The following TBC1D9 variants were observed in gnomAD, a reference collection of about 807,000 sequenced individuals.
TBC1D9 encodes TBC1 domain family member 9, also known as TBC1 domain family member 9A.
Under a neutral mutation model 132.0 loss-of-function variants are expected in TBC1D9, and 63 were observed. The ratio of observed to expected loss-of-function variants is 0.48; its 90% CI spans 0.39 to 0.59. The LOEUF (loss-of-function observed/expected upper bound fraction) is 0.59. Ranked by LOEUF, TBC1D9 falls within the 20% of genes least tolerant of loss-of-function variation. The probability of loss-of-function intolerance (pLI) is 0.00; values close to 1 mark genes in which losing one functional copy is unlikely to be tolerated. For missense variants in TBC1D9, 1,261 were observed against 1,592.7 expected (o/e 0.79, Z 3.54); for synonymous variants, 610 against 609.9 (o/e 1.00, Z 0.00).
At chr4:140,638,647 T>C (rs536294636) in intron 15 of TBC1D9, among the ~76,000 whole-genome samples, 2 of 152,006 alleles carry the variant, frequency 1.3e-5, no homozygotes, top group East Asian at 3.9e-4. Context: ...AAATAAAGAT[T>C]GGTAGGGGCT....
At chr4:140,636,071 G>A (rs556116832) in intron 15 of TBC1D9, among the ~76,000 whole-genome samples, 2 of 152,298 alleles carry the variant, frequency 1.3e-5, no homozygotes, top group East Asian at 3.9e-4. Context: ...GAACATGGGT[G>A]CAGGCACTTT....
intron 16 of TBC1D9, among the ~76,000 whole-genome samples, chr4:140,631,167 A>G (rs1301855692): frequency 6.6e-6 from 1 of 152,224 alleles, no homozygotes; most frequent in Non-Finnish European, 1.5e-5. Context: ...TCTAAGTTTC[A>G]GCCGCACTGT....
At chr4:140,711,248 T>C (rs1037174580) in intron 1 of TBC1D9, among the ~76,000 whole-genome samples, 2 of 152,202 alleles carry the variant, frequency 1.3e-5, no homozygotes, top group African/African-American at 4.8e-5. Context: ...GGAAGTTATA[T>C]TGATTCTAAT....
At chr4:140,722,618 G>A (rs974727107) in intron 1 of TBC1D9, among the ~76,000 whole-genome samples, 11 of 152,098 alleles carry the variant, frequency 7.2e-5, no homozygotes, top group Admixed American at 2.0e-4. Flanking sequence ...TAATGATAGA[G>A]AACACTAAAA....
intron 13 of TBC1D9, among the ~76,000 whole-genome samples, chr4:140,649,664 G>T (rs796520681): frequency 6.6e-6 from 1 of 152,172 alleles, no homozygotes; most frequent in Non-Finnish European, 1.5e-5. Context: ...TATGGGGGTG[G>T]CGTCTGTCTG....
chr4:140,690,859 A>ATAT (rs1278013755), intron 2 of TBC1D9, among the ~76,000 whole-genome samples: 11 of 152,176 alleles, frequency 7.2e-5, no homozygotes, highest in Non-Finnish European at 7.3e-5. Flanking sequence ...TTATTATATG[A>ATAT]ACCCATTATC....
chr4:140,660,167 C>A (rs1737335326), intron 10 of TBC1D9, among the ~76,000 whole-genome samples: 1 of 152,212 alleles, frequency 6.6e-6, no homozygotes, highest in Admixed American at 6.5e-5. Flanking sequence ...CCTGAGAGAA[C>A]AACGAAACCT....
At position 140,624,323 on chromosome 4, in the gene TBC1D9, G is replaced by C; in HGVS notation, c.2965C>G (p.Pro989Ala). The C allele has an allele frequency of 6.2e-7, 1 of 1,613,710 alleles. No individual in the cohort carries two copies. Among genetic ancestry groups the C allele is most frequent in the Non-Finnish European group, 8.5e-7 (1 of 1,179,792 alleles). Reference sequence around the variant, plus strand: ...AAGAGAATATCCTTACCTTTGTCTGGCTTTAGGCTCACCGTAACAAAGCCA... The same window carrying C: ...AAGAGAATATCCTTACCTTTGTCTGCCTTTAGGCTCACCGTAACAAAGCCA... ...DDGFVTVSLK[P>A]DKGKRANSQE... Residue 989 changes from proline (P) to alanine (A), a missense_variant, in exon 19 of 21, where the codon CCA (proline) becomes GCA (alanine). Transcript: ENST00000442267.
chr4:140,711,408 A>AT (rs1443063383), intron 1 of TBC1D9, among the ~76,000 whole-genome samples: 1 of 152,192 alleles, frequency 6.6e-6, no homozygotes, highest in Non-Finnish European at 1.5e-5. Flanking sequence ...GAGATTAGCT[A>AT]TATCAATCCC....
intron 1 of TBC1D9, among the ~76,000 whole-genome samples, chr4:140,726,284 G>A (rs1050005104): frequency 2.0e-5 from 3 of 151,504 alleles, no homozygotes; most frequent in African/African-American, 4.9e-5. Context: ...ATGAGACTCC[G>A]CCTCAGAAAA....
rs1736644703 is a variant in TBC1D9 at position 140,622,916 on chromosome 4, C to T, written c.3080G>A (p.Gly1027Glu). 2.0e-6 allele frequency: 3 copies of T among 1,516,534 alleles called. No individual in the cohort carries two copies. Among genetic ancestry groups the T allele is most frequent in the South Asian group, 2.5e-5 (2 of 79,158 alleles). 93.9% of individuals were successfully genotyped at this position (1,516,534 alleles called of 1,614,324 possible). A position where few individuals can be genotyped will look rare whatever the true frequency, so the allele number is the denominator to read the frequency against. ...NAKDLPKLNQ[G>E]QFIELCKTMY... ...TGTCTTACACAGTTCAATGAACTGC[C>T]CCTGAAAAGCGATTTGGAAAAACAC... Residue 1027 changes from glycine to glutamate, a missense_variant and splice_region_variant, in exon 21 of 21, where the codon GGG (glycine) becomes GAG (glutamate). Transcript: ENST00000442267.
In TBC1D9 at chr4:140,639,069, T is replaced by G; in HGVS notation, c.2505+17A>C. On this transcript the variant is annotated intron_variant, in intron 15 of 20. Coordinates refer to ENST00000442267, the MANE Select transcript of TBC1D9 (RefSeq NM_015130.3). Reference sequence around the variant, plus strand: ...CTTTACTCCTTTGAATGGGCATGAATTTACCTTGCAACTCACCTTGAAAAG... The same window carrying G: ...CTTTACTCCTTTGAATGGGCATGAAGTTACCTTGCAACTCACCTTGAAAAG... The G allele has an allele frequency of 6.4e-7, 1 of 1,569,348 alleles. No homozygotes were observed. The highest frequency in any genetic ancestry group is 8.7e-7 in the Non-Finnish European group (1 of 1,154,632).
chr4:140,675,089 C>T (rs1737603287), intron 6 of TBC1D9, among the ~76,000 whole-genome samples: 1 of 152,000 alleles, frequency 6.6e-6, no homozygotes, highest in Admixed American at 6.6e-5. Flanking sequence ...TAAAAATTCC[C>T]TATAAAGTGT....
rs142070384 is a variant in TBC1D9, at chr4:140,730,664, T to C, written c.130+25252A>G. Among the ~76,000 whole-genome samples the C allele has an allele frequency of 4.6e-3, 707 of 152,266 alleles. 6 individuals carry two copies. The highest frequency in any genetic ancestry group is 0.016 in the African/African-American group (674 of 41,546). On this transcript the variant is annotated intron_variant, in intron 1 of 20. Transcript: ENST00000442267. ...ATTGCTTGAACCTGGGAAGCAGGGT[T>C]GTAATGAGCCTAGATCTCACCACTG... is the stretch of plus-strand genomic sequence containing the variant.
At chr4:140,694,862 G>A (rs1012451433) in intron 2 of TBC1D9, among the ~76,000 whole-genome samples, 1 of 151,498 alleles carries the variant, frequency 6.6e-6, no homozygotes, top group African/African-American at 2.4e-5. Context: ...TCTATATTTT[G>A]TAATTTTTGC....
intron 2 of TBC1D9, among the ~76,000 whole-genome samples, chr4:140,689,480 TTTTTCCCTTCCCTTC>T (rs1737841500): frequency 1.4e-5 from 1 of 71,860 alleles, no homozygotes. Flanking sequence ...TCCCTTCCCC[TTTTTCCCTTCCCTTC>T]CCCCTTTCCT....
intron 1 of TBC1D9, among the ~76,000 whole-genome samples, chr4:140,746,114 C>A (rs1738832596): frequency 6.6e-6 from 1 of 152,166 alleles, no homozygotes; most frequent in African/African-American, 2.4e-5. Context: ...GTTCTCAAAT[C>A]TCCCGAATTT....
chr4:140,725,355 G>A (rs905153517), intron 1 of TBC1D9, among the ~76,000 whole-genome samples: 5 of 152,172 alleles, frequency 3.3e-5, no homozygotes, highest in Non-Finnish European at 7.3e-5. Flanking sequence ...GCACCTGATT[G>A]TGTGTTCAGA....
chr4:140,742,454 C>G lies in TBC1D9; in HGVS notation c.130+13462G>C, dbSNP rs1004578847. Reference sequence around the variant, plus strand: ...GGCTGAGGCAGGCTAATTGCTTGAACCTGGGAGGTGGAGGTTGCAGTGAGC... The same window carrying G: ...GGCTGAGGCAGGCTAATTGCTTGAAGCTGGGAGGTGGAGGTTGCAGTGAGC... On this transcript the variant is annotated intron_variant, in intron 1 of 20. Coordinates refer to ENST00000442267, the MANE Select transcript of TBC1D9 (RefSeq NM_015130.3). Among the ~76,000 whole-genome samples the G allele has an allele frequency of 3.4e-5, 5 of 146,634 alleles. No homozygotes were observed. The East Asian group carries it at 1.0e-3, about 30-fold the overall frequency.
Sources: allele counts gnomAD v4.1 joint callset (sites outside exome capture counted in the v4.1 genomes callset), GRCh38; gene constraint gnomAD v4.1.1; transcripts MANE v1.5; gene names NCBI Gene and HGNC (gene_info 2026-07-23, HGNC 2026-07-21).